The following PCDH15 variants were observed in gnomAD, a reference collection of about 807,000 sequenced individuals.
PCDH15 encodes the protein protocadherin-15.
Under a neutral mutation model 178.5 loss-of-function variants are expected in PCDH15, and 129 were observed. The observed-to-expected ratio is 0.72, with a 90% confidence interval of 0.63 to 0.84. The LOEUF (loss-of-function observed/expected upper bound fraction) is 0.84. Among genes scored for constraint, PCDH15 ranks in the 40% least tolerant of loss-of-function variants. The pLI is 0.00. For synonymous variants in PCDH15, 800 were observed against 732.0 expected (o/e 1.09, Z -1.50); for missense variants, 2,230 against 2,099.9 (o/e 1.06, Z -1.21).
chr10:53,942,396 T>C (rs1265531730), intron 23 of PCDH15, among the ~76,000 whole-genome samples: 1 of 152,242 alleles, frequency 6.6e-6, no homozygotes, highest in African/African-American at 2.4e-5. Flanking sequence ...ATCCCCATGG[T>C]ACATGCATAA....
chr10:54,774,569 A>G (rs945552921), intron 1 of PCDH15, among the ~76,000 whole-genome samples: 1 of 152,200 alleles, frequency 6.6e-6, no homozygotes, highest in African/African-American at 2.4e-5. Flanking sequence ...GCGTATTGTT[A>G]TACATGCATA....
intron 28 of PCDH15, among the ~76,000 whole-genome samples, chr10:53,852,482 C>G (rs541629733): frequency 2.8e-4 from 42 of 151,212 alleles, no homozygotes; most frequent in Admixed American, 1.4e-3. Flanking sequence ...AGCTTAAAAT[C>G]TAAAAAGTAG....
intron 2 of PCDH15, among the ~76,000 whole-genome samples, chr10:54,640,086 C>T (rs2093956098): frequency 6.6e-6 from 1 of 151,546 alleles, no homozygotes; most frequent in Non-Finnish European, 1.5e-5. Flanking sequence ...ATAGCAAGAC[C>T]CTGTCTCTAA....
At chr10:54,342,406 G>A (rs1481984490) in intron 6 of PCDH15, among the ~76,000 whole-genome samples, 1 of 152,196 alleles carries the variant, frequency 6.6e-6, no homozygotes, top group Non-Finnish European at 1.5e-5. Flanking sequence ...CTTACATGTG[G>A]TGTTGGGCCT....
chr10:54,459,319 T>C (rs954357669), intron 3 of PCDH15, among the ~76,000 whole-genome samples: 1 of 152,072 alleles, frequency 6.6e-6, no homozygotes, highest in African/African-American at 2.4e-5. Context: ...CATGTTTATT[T>C]CAATATTTAA....
chr10:54,600,494 T>C (rs2092471959), intron 2 of PCDH15: 1 of 576,676 alleles, frequency 1.7e-6, no homozygotes, highest in Admixed American at 1.9e-5. Context: ...AAAGTGGTGG[T>C]GACCAAAATA....
At chr10:55,258,022 C>A (rs1001133179) in intron 1 of PCDH15, among the ~76,000 whole-genome samples, 6 of 152,198 alleles carry the variant, frequency 3.9e-5, no homozygotes, top group Non-Finnish European at 5.9e-5. Flanking sequence ...AACAGCTGAT[C>A]TCTTGGCAGA....
intron 3 of PCDH15, among the ~76,000 whole-genome samples, chr10:54,821,242 C>G (rs543834872): frequency 3.3e-5 from 5 of 152,116 alleles, no homozygotes; most frequent in African/African-American, 1.2e-4. Context: ...ATTTACAACA[C>G]AGTTCTAGAC....
intron 2 of PCDH15, among the ~76,000 whole-genome samples, chr10:55,341,377 G>A (rs1247290541): frequency 6.6e-6 from 1 of 151,820 alleles, no homozygotes; most frequent in East Asian, 1.9e-4. Context: ...ATGACAAATT[G>A]GAATGTTATA....
At chr10:55,282,307 T>C (rs1022087111) in intron 1 of PCDH15, among the ~76,000 whole-genome samples, 3 of 152,164 alleles carry the variant, frequency 2.0e-5, no homozygotes, top group African/African-American at 7.2e-5. Flanking sequence ...TGCCTTCTCA[T>C]CTCTCATTTT....
At chr10:54,400,101 C>T (rs767939544) in intron 3 of PCDH15, among the ~76,000 whole-genome samples, 7 of 151,864 alleles carry the variant, frequency 4.6e-5, no homozygotes, top group East Asian at 1.9e-4. Context: ...GATATCCAAG[C>T]GGAAAAAAAT....
intron 18 of PCDH15, among the ~76,000 whole-genome samples, chr10:54,058,036 C>T (rs1427725644): frequency 6.6e-6 from 1 of 152,168 alleles, no homozygotes; most frequent in African/African-American, 2.4e-5. Context: ...TGGTCAAAGT[C>T]ATTTAATAAT....
chr10:55,135,574 C>CTTTTTTTTTTTTTTTT (rs56956557), intron 2 of PCDH15, among the ~76,000 whole-genome samples: 3 of 68,222 alleles, frequency 4.4e-5, no homozygotes, highest in Non-Finnish European at 5.4e-5. Context: ...TCTTTTCTTT[C>CTTTTTTTTTTTTTTTT]TTTTTTTTTT....
At chr10:54,457,097 G>T (rs1309882027) in intron 3 of PCDH15, among the ~76,000 whole-genome samples, 1 of 152,068 alleles carries the variant, frequency 6.6e-6, no homozygotes, top group Admixed American at 6.6e-5. Flanking sequence ...TTCAAGTTAA[G>T]GTAAGAGAGT....
chr10:55,219,388 G>A (rs1840803300), intron 1 of PCDH15, among the ~76,000 whole-genome samples: 1 of 151,780 alleles, frequency 6.6e-6, no homozygotes, highest in South Asian at 2.1e-4. Context: ...TCCCGATGCA[G>A]CACTGAATCA....
At chr10:55,427,411 T>TATTGGACTCTGA (rs1277232578) in intron 2 of PCDH15, among the ~76,000 whole-genome samples, 1 of 152,158 alleles carries the variant, frequency 6.6e-6, no homozygotes, top group Non-Finnish European at 1.5e-5. Context: ...TACATTAAGA[T>TATTGGACTCTGA]ATAGTATTGG....
chr10:54,136,900 T>C (rs2042953520), intron 14 of PCDH15, among the ~76,000 whole-genome samples: 3 of 152,142 alleles, frequency 2.0e-5, no homozygotes, highest in African/African-American at 7.2e-5. Flanking sequence ...TGTTAGTTAT[T>C]TGGAGGAGAT....
chr10:53,904,953 A>T (rs2082573133), intron 25 of PCDH15, among the ~76,000 whole-genome samples: 1 of 152,170 alleles, frequency 6.6e-6, no homozygotes, highest in Non-Finnish European at 1.5e-5. Flanking sequence ...AATACTGATG[A>T]CGTATATTTT....
At chr10:54,946,587 C>T (rs1022459707) in intron 2 of PCDH15, among the ~76,000 whole-genome samples, 1 of 151,668 alleles carries the variant, frequency 6.6e-6, no homozygotes, top group Non-Finnish European at 1.5e-5. Context: ...TAGGAAACAC[C>T]CCCGCCCCTG....
Sources: gnomAD v4.1 joint callset for allele counts (sites outside exome capture counted in the v4.1 genomes callset) on GRCh38, gnomAD v4.1.1 for gene constraint, MANE v1.5 for transcripts, NCBI Gene and HGNC (gene_info 2026-07-23, HGNC 2026-07-21) for gene names.